The following GRHL2 variants were observed in gnomAD, a reference collection of about 807,000 sequenced individuals.
The protein encoded by GRHL2 is grainyhead like transcription factor 2.
In GRHL2, 21 loss-of-function variants were observed where a neutral mutation model predicts 83.8. That is an observed-to-expected ratio of 0.25 (90% CI 0.18 to 0.36). The LOEUF is 0.36. GRHL2 is among the 10% of genes least tolerant of loss of function. The probability of loss-of-function intolerance (pLI) is 1.00; values close to 1 mark genes in which losing one functional copy is unlikely to be tolerated. For synonymous variants in GRHL2, 280 were observed against 278.9 expected, an observed-to-expected ratio of 1.00 and a Z score of -0.04; for missense variants, 623 against 781.8, an observed-to-expected ratio of 0.80 and a Z score of 2.42.
At chr8:101,516,106 G>T (rs1203908844) in intron 1 of GRHL2, among the ~76,000 whole-genome samples, 5 of 152,096 alleles carry the variant, frequency 3.3e-5, no homozygotes, top group African/African-American at 9.7e-5. Context: ...GGGACCAAAT[G>T]GGGTTTTGAT....
chr8:101,559,764 TG>T (rs1292454391), intron 4 of GRHL2, among the ~76,000 whole-genome samples: 1 of 152,190 alleles, frequency 6.6e-6, no homozygotes, highest in African/African-American at 2.4e-5. Context: ...TATACAATTG[TG>T]AAACCAACAT....
chr8:101,645,000 A>G (rs1017891621), intron 13 of GRHL2, among the ~76,000 whole-genome samples: 2 of 152,126 alleles, frequency 1.3e-5, no homozygotes, highest in African/African-American at 4.8e-5. Context: ...GGCATGCACC[A>G]CCATGTCTGG....
rs148179186 is a variant in GRHL2 at position 101,532,550 on chromosome 8, G to C, written c.21-10691G>C. ...GCGGATCACGAGGTCAGGAGTTCAA[G>C]ACTAGCCTGACCAACATGGTGAAAC... On this transcript the variant is annotated intron_variant, in intron 1 of 15. Transcript: ENST00000646743. Among the ~76,000 whole-genome samples the C allele has an allele frequency of 2.0e-3, 300 of 152,240 alleles. 8 individuals carry two copies. The East Asian group carries it at 0.05, about 25-fold the overall frequency.
chr8:101,654,861 G>GAT (rs1813750655), intron 14 of GRHL2, among the ~76,000 whole-genome samples: 1 of 152,180 alleles, frequency 6.6e-6, no homozygotes, highest in African/African-American at 2.4e-5. Context: ...TCTTCCTTGA[G>GAT]ATAGTATTTT....
At chr8:101,551,756 A>T (rs1231600011) in intron 2 of GRHL2, among the ~76,000 whole-genome samples, 2 of 149,998 alleles carry the variant, frequency 1.3e-5, no homozygotes, top group Non-Finnish European at 1.5e-5. Flanking sequence ...CGATTAGATG[A>T]TGGTCAGAGA....
intron 7 of GRHL2, among the ~76,000 whole-genome samples, chr8:101,596,836 T>C (rs1235518614): frequency 2.6e-5 from 4 of 152,220 alleles, no homozygotes; most frequent in Non-Finnish European, 5.9e-5. Flanking sequence ...GACTTTCCTG[T>C]GGTGGCCACA....
chr8:101,563,603 G>A (rs1329099885), intron 4 of GRHL2, among the ~76,000 whole-genome samples: 1 of 152,090 alleles, frequency 6.6e-6, no homozygotes, highest in Non-Finnish European at 1.5e-5. Context: ...TTGGGTTCTG[G>A]TAGCTTTACA....
In GRHL2 at chr8:101,631,756, A is replaced by G. The variant is rs530745156; in HGVS notation, c.1345+32A>G. 18 of 1,567,544 alleles carry G rather than the reference A, an allele frequency of 1.1e-5. No individual in the cohort carries two copies. In the Admixed American group the frequency reaches 1.2e-4, roughly 10 times the overall value. ...TTCACTGAGACTAATGTTGCTTTCT[A>G]AAGACTCCAGGTGGGCTGTGTCCAC... On this transcript the variant is annotated intron_variant, in intron 10 of 15. Coordinates refer to ENST00000646743, the MANE Select transcript of GRHL2 (RefSeq NM_024915.4).
At chr8:101,647,083 T>TA (rs1813526601) in intron 13 of GRHL2, among the ~76,000 whole-genome samples, 1 of 152,184 alleles carries the variant, frequency 6.6e-6, no homozygotes, top group African/African-American at 2.4e-5. Context: ...GCAGTACTCA[T>TA]AATAGAAAAT....
intron 1 of GRHL2, among the ~76,000 whole-genome samples, chr8:101,535,683 C>T (rs192044936): frequency 0.01 from 1,562 of 152,204 alleles, 7 homozygotes; most frequent in Middle Eastern, 0.048. Flanking sequence ...GGATTACAGG[C>T]GCGCACCACC....
At chr8:101,591,923 T>A (rs1812291552) in intron 7 of GRHL2, among the ~76,000 whole-genome samples, 1 of 152,048 alleles carries the variant, frequency 6.6e-6, no homozygotes, top group Non-Finnish European at 1.5e-5. Flanking sequence ...TAAGTAGACA[T>A]CCTGGAGCAG....
intron 7 of GRHL2, among the ~76,000 whole-genome samples, chr8:101,584,462 A>G (rs1812122585): frequency 6.6e-6 from 1 of 152,190 alleles, no homozygotes; most frequent in South Asian, 2.1e-4. Flanking sequence ...ACTCTTGATC[A>G]CAGACTTTAG....
intron 1 of GRHL2, among the ~76,000 whole-genome samples, chr8:101,540,437 A>G (rs1811128338): frequency 6.6e-6 from 1 of 152,186 alleles, no homozygotes; most frequent in Non-Finnish European, 1.5e-5. Context: ...AAGAAGCCTG[A>G]TTATACCCTT....
intron 12 of GRHL2, among the ~76,000 whole-genome samples, chr8:101,639,742 G>A (rs1189700607): frequency 6.6e-6 from 1 of 152,236 alleles, no homozygotes; most frequent in African/African-American, 2.4e-5. Context: ...GTCTGGCAGA[G>A]GGGAGCAGAT....
At chr8:101,536,420 C>G (rs1384037665) in intron 1 of GRHL2, among the ~76,000 whole-genome samples, 1 of 152,162 alleles carries the variant, frequency 6.6e-6, no homozygotes, top group Non-Finnish European at 1.5e-5. Flanking sequence ...AGAATAATAG[C>G]TAGCATGTAT....
At chr8:101,624,236 T>C (rs1442225068) in intron 9 of GRHL2, among the ~76,000 whole-genome samples, 1 of 151,326 alleles carries the variant, frequency 6.6e-6, no homozygotes, top group Middle Eastern at 3.2e-3. Context: ...AGTAGGACAG[T>C]ACGCAGTAGG....
intron 1 of GRHL2, among the ~76,000 whole-genome samples, chr8:101,541,613 T>C (rs1229961598): frequency 1.3e-5 from 2 of 152,138 alleles, no homozygotes; most frequent in East Asian, 1.9e-4. Flanking sequence ...CATGTTACGA[T>C]GTGCTGACAT....
chr8:101,562,338 C>A (rs1279881483), intron 4 of GRHL2: 4 of 653,764 alleles, frequency 6.1e-6, no homozygotes, highest in African/African-American at 1.8e-5. Context: ...TGCTTTGGTT[C>A]ACCTAGCTTT....
intron 1 of GRHL2, among the ~76,000 whole-genome samples, chr8:101,524,778 TA>T (rs1475681082): frequency 6.6e-6 from 1 of 152,112 alleles, no homozygotes; most frequent in Admixed American, 6.5e-5. Flanking sequence ...CATGGGTACT[TA>T]AAAAATAATA....
Sources: allele counts gnomAD v4.1 joint callset (sites outside exome capture counted in the v4.1 genomes callset), GRCh38; gene constraint gnomAD v4.1.1; transcripts MANE v1.5; gene names NCBI Gene and HGNC (gene_info 2026-07-23, HGNC 2026-07-21).